GRM1: variants seen among roughly 807,000 people sequenced by gnomAD.
GRM1 encodes the protein glutamate metabotropic receptor 1.
GRM1 carries 33 observed loss-of-function variants against 90.9 expected under a neutral mutation model. The ratio of observed to expected loss-of-function variants is 0.36; its 90% CI spans 0.28 to 0.49. The LOEUF is 0.49. GRM1 is among the 20% of genes least tolerant of loss of function. The pLI is 0.99. For synonymous variants in GRM1, 700 were observed against 613.2 expected (o/e 1.14, Z -2.09); for missense variants, 1,190 against 1,534.3 (o/e 0.78, Z 3.75).
At chr6:146,128,947 C>T (rs1057298915) in intron 1 of GRM1, among the ~76,000 whole-genome samples, 1 of 152,112 alleles carries the variant, frequency 6.6e-6, no homozygotes, top group African/African-American at 2.4e-5. Context: ...CATGACCCAA[C>T]TCGCTTTTGT....
chr6:146,433,789 C>T (rs551628848), intron 7 of GRM1, 83 bp from the exon 8 acceptor site: 60 of 979,860 alleles, frequency 6.1e-5, no homozygotes, highest in Non-Finnish European at 9.4e-5. Flanking sequence ...TCACACTGAG[C>T]TAGGTTTGCA....
chr6:146,052,655 C>T (rs1455207440), intron 1 of GRM1, among the ~76,000 whole-genome samples: 1 of 152,040 alleles, frequency 6.6e-6, no homozygotes, highest in Admixed American at 6.6e-5. Context: ...CTGTTTCCTC[C>T]AGCTGAAATC....
chr6:146,428,149 G>C (rs1778282203), intron 7 of GRM1, among the ~76,000 whole-genome samples: 1 of 152,220 alleles, frequency 6.6e-6, no homozygotes, highest in Non-Finnish European at 1.5e-5. Flanking sequence ...GGATTAGGAA[G>C]AGATAAGTAG....
intron 2 of GRM1, among the ~76,000 whole-genome samples, chr6:146,253,278 C>T (rs918065189): frequency 6.6e-6 from 1 of 152,004 alleles, no homozygotes; most frequent in African/African-American, 2.4e-5. Flanking sequence ...ACAGTCCAGG[C>T]TTCAGTAGAT....
chr6:146,109,106 A>G (rs1248575032), intron 1 of GRM1, among the ~76,000 whole-genome samples: 1 of 152,196 alleles, frequency 6.6e-6, no homozygotes, highest in Non-Finnish European at 1.5e-5. Flanking sequence ...CTGAGGAGAA[A>G]TTCAAGCCAG....
At position 146,335,271 on chromosome 6, in the gene GRM1, G is replaced by T. The variant is rs1044951246; in HGVS notation, c.1187-16979G>T. 3.3e-5 allele frequency among the ~76,000 whole-genome samples: 5 copies of T among 152,214 alleles called. No individual in the cohort carries two copies. In the East Asian group the frequency reaches 9.7e-4, roughly 29 times the overall value. Reference sequence around the variant, plus strand: ...GTGTTATAATTTGTATTTATGTAATGTTCTTTCTTCCAGCTGGTTCAAAGT... The same window carrying T: ...GTGTTATAATTTGTATTTATGTAATTTTCTTTCTTCCAGCTGGTTCAAAGT... On this transcript the variant is annotated intron_variant, in intron 3 of 7. Transcript: ENST00000282753.
At chr6:146,043,782 G>GATATATATATATATAGATATATATAT (rs1791205240) in intron 1 of GRM1, among the ~76,000 whole-genome samples, 1 of 89,984 alleles carries the variant, frequency 1.1e-5, no homozygotes, top group South Asian at 4.2e-4. Context: ...AGAGTCAGGT[G>GATATATATATATATAGATATATATAT]ATATATATAT....
At chr6:146,050,800 CTGTT>C (rs1351742884) in intron 1 of GRM1, among the ~76,000 whole-genome samples, 1 of 151,986 alleles carries the variant, frequency 6.6e-6, no homozygotes, top group Non-Finnish European at 1.5e-5. Context: ...TATGAGATTC[CTGTT>C]TGTTTGTTCA....
chr6:146,275,880 A>G (rs1246937440), intron 2 of GRM1, among the ~76,000 whole-genome samples: 1 of 152,146 alleles, frequency 6.6e-6, no homozygotes, highest in African/African-American at 2.4e-5. Flanking sequence ...TTTTGCACAC[A>G]TTGCTGGAAT....
At chr6:146,257,987 TAAA>T (rs11419823) in intron 2 of GRM1, among the ~76,000 whole-genome samples, 1 of 147,866 alleles carries the variant, frequency 6.8e-6, no homozygotes, top group Non-Finnish European at 1.5e-5. Context: ...TGTTCTTCCG[TAAA>T]AAAAAAAAAA....
At chr6:146,275,232 G>C (rs559751099) in intron 2 of GRM1, among the ~76,000 whole-genome samples, 2 of 152,212 alleles carry the variant, frequency 1.3e-5, no homozygotes, top group African/African-American at 4.8e-5. Context: ...TTCAGAGGTG[G>C]GAGATGTCAC....
chr6:146,249,520 G>A, intron 2 of GRM1, among the ~76,000 whole-genome samples: 1 of 152,178 alleles, frequency 6.6e-6, no homozygotes, highest in East Asian at 1.9e-4. Context: ...GGGCCTATGG[G>A]TGCACAGAAA....
At position 146,397,473 on chromosome 6, in the gene GRM1, C is replaced by CAAAAAAAAAA. The variant is rs1195779695; in HGVS notation, c.1730-1295_1730-1286dup. On this transcript the variant is annotated intron_variant, in intron 6 of 7. Coordinates refer to ENST00000282753, the MANE Select transcript of GRM1 (RefSeq NM_001278064.2). Reference sequence around the variant, plus strand: ...TGGGCAACAGAGTGAGACCCCGTCTCAAAAAAAAAAGAAAAAAAAAAAAAA... The same window carrying CAAAAAAAAAA: ...TGGGCAACAGAGTGAGACCCCGTCTCAAAAAAAAAAAAAAAAAAAAGAAAAAAAAAAAAAA... Among the ~76,000 whole-genome samples the CAAAAAAAAAA allele has an allele frequency of 8.3e-4, 14 of 16,772 alleles. 2 individuals are homozygous for CAAAAAAAAAA. The highest frequency in any genetic ancestry group is 2.8e-3 in the African/African-American group (13 of 4,584). The allele number at this position is 16,772 out of a possible 152,430, so 11.0% of individuals were successfully genotyped here.
At chr6:146,395,004 C>G (rs1441886001) in intron 6 of GRM1, among the ~76,000 whole-genome samples, 1 of 152,040 alleles carries the variant, frequency 6.6e-6, no homozygotes, top group African/African-American at 2.4e-5. Context: ...ACTTGTCCTT[C>G]CAGAATAAGT....
chr6:146,319,364 A>G (rs184331829), intron 3 of GRM1, among the ~76,000 whole-genome samples: 284 of 152,298 alleles, frequency 1.9e-3, no homozygotes, highest in African/African-American at 6.6e-3. Context: ...TGTTTTGGGT[A>G]CTGTAGACTT....
intron 1 of GRM1, among the ~76,000 whole-genome samples, chr6:146,105,053 A>G: frequency 6.6e-6 from 1 of 152,140 alleles, no homozygotes; most frequent in Admixed American, 6.5e-5. Flanking sequence ...CTTGGGATAA[A>G]CCTTTGGGCT....
intron 2 of GRM1, among the ~76,000 whole-genome samples, chr6:146,161,320 C>G (rs1291554234): frequency 1.3e-5 from 2 of 152,132 alleles, no homozygotes; most frequent in African/African-American, 4.8e-5. Flanking sequence ...AACATAATTA[C>G]ACAAAATTGT....
chr6:146,292,526 A>G (rs1235383892), intron 2 of GRM1, among the ~76,000 whole-genome samples: 2 of 151,998 alleles, frequency 1.3e-5, no homozygotes, highest in Non-Finnish European at 2.9e-5. Flanking sequence ...AAGTAGTCAC[A>G]TCATTAGCCA....
chr6:146,129,099 A>T (rs1428860332), intron 1 of GRM1, among the ~76,000 whole-genome samples: 1 of 152,146 alleles, frequency 6.6e-6, no homozygotes, highest in East Asian at 1.9e-4. Flanking sequence ...CTAAAGAATG[A>T]CTGACTTGGG....
Sources: allele counts gnomAD v4.1 joint callset (sites outside exome capture counted in the v4.1 genomes callset), GRCh38; gene constraint gnomAD v4.1.1; transcripts MANE v1.5; gene names NCBI Gene and HGNC (gene_info 2026-07-23, HGNC 2026-07-21).